ADIPOR1: variants seen among roughly 807,000 people sequenced by gnomAD.
ADIPOR1 encodes adiponectin receptor 1, also known as adiponectin receptor protein 1.
In ADIPOR1, 15 loss-of-function variants were observed where a neutral mutation model predicts 37.5. That is an observed-to-expected ratio of 0.40 (90% CI 0.27 to 0.62). The LOEUF (loss-of-function observed/expected upper bound fraction) is 0.62. Among genes scored for constraint, ADIPOR1 ranks in the 20% least tolerant of loss-of-function variants. ADIPOR1 has a pLI of 0.42. For missense variants in ADIPOR1, 286 were observed against 478.0 expected, an observed-to-expected ratio of 0.60 and a Z score of 3.75; for synonymous variants, 173 against 173.2, an observed-to-expected ratio of 1.00 and a Z score of 0.01.
chr1:202,941,562 G>A lies in ADIPOR1; in HGVS notation c.*11C>T. Reference sequence around the variant, plus strand: ...TGGGAAGTTCCTCCTCCACCCCGCAGGTGGGAAGGCTCAGAGAAGGGTGTC... The same window carrying A: ...TGGGAAGTTCCTCCTCCACCCCGCAAGTGGGAAGGCTCAGAGAAGGGTGTC... On this transcript the variant is annotated 3_prime_UTR_variant, in exon 8 of 8. Transcript: ENST00000340990. 6.2e-7 allele frequency: 1 copy of A among 1,600,878 alleles called. No homozygotes were observed. The highest frequency in any genetic ancestry group is 8.5e-7 in the Non-Finnish European group (1 of 1,176,322).
chr1:202,950,529 G>C (rs72644173), intron 2 of ADIPOR1, among the ~76,000 whole-genome samples: 7,618 of 152,140 alleles, frequency 0.05, 489 homozygotes, highest in East Asian at 0.21. Context: ...CCTGACAGTG[G>C]TGGATCCTCC....
chr1:202,955,125 T>C (rs1240286704), intron 1 of ADIPOR1, among the ~76,000 whole-genome samples: 1 of 152,132 alleles, frequency 6.6e-6, no homozygotes, highest in African/African-American at 2.4e-5. Flanking sequence ...ATCACCGAAC[T>C]ACAGTATATA....
At chr1:202,942,353 A>T in intron 6 of ADIPOR1, 135 bp from the exon 7 acceptor site, 1 of 768,556 alleles carries the variant, frequency 1.3e-6, no homozygotes, top group South Asian at 2.3e-5. Context: ...TAGGAAACTT[A>T]GCTACAAGAT....
intron 3 of ADIPOR1, 105 bp from the exon 4 acceptor site, chr1:202,946,715 T>C (rs1654336982): frequency 8.4e-7 from 1 of 1,193,640 alleles, no homozygotes; most frequent in East Asian, 2.5e-5. Context: ...AGGCTCTGAA[T>C]GGTCCTAGGT....
At chr1:202,957,937 G>A (rs1654848031) in intron 1 of ADIPOR1, among the ~76,000 whole-genome samples, 2 of 152,138 alleles carry the variant, frequency 1.3e-5, no homozygotes, top group South Asian at 4.1e-4. Context: ...GGGACAGCCG[G>A]GGACGAGCGC....
chr1:202,946,115 C>G (rs145829537), intron 4 of ADIPOR1, among the ~76,000 whole-genome samples: 2 of 151,712 alleles, frequency 1.3e-5, no homozygotes, highest in East Asian at 3.9e-4. Context: ...GAAACCCAGA[C>G]AAAAAAGACC....
intron 1 of ADIPOR1, among the ~76,000 whole-genome samples, chr1:202,956,720 A>T (rs1654799404): frequency 6.6e-6 from 1 of 152,242 alleles, no homozygotes; most frequent in Non-Finnish European, 1.5e-5. Flanking sequence ...CACAGTCCCC[A>T]GGGCAGTAAA....
chr1:202,955,156 G>A (rs1035104729), intron 1 of ADIPOR1, among the ~76,000 whole-genome samples: 7 of 151,966 alleles, frequency 4.6e-5, no homozygotes, highest in Non-Finnish European at 1.0e-4. Context: ...TCTCCTACTC[G>A]ATGCCAAGCG....
chr1:202,946,850 C>T (rs1654347290), intron 3 of ADIPOR1, among the ~76,000 whole-genome samples: 1 of 151,622 alleles, frequency 6.6e-6, no homozygotes, highest in African/African-American at 2.4e-5. Context: ...TGTAGCGGCT[C>T]ATGCCTGTAA....
chr1:202,950,819 C>G, intron 2 of ADIPOR1, 111 bp downstream of exon 2: 1 of 1,417,902 alleles, frequency 7.1e-7, no homozygotes, highest in East Asian at 2.3e-5. Flanking sequence ...AGAGACATTT[C>G]CAGGATGCAA....
In ADIPOR1 at chr1:202,942,301, T is replaced by C. The variant is rs910573237; in HGVS notation, c.806-83A>G. ...CTGCTGTCTTACTCTGGAATTTCAA[T>C]GTTTATGATAATTAGCTATTTTTGG... On this transcript the variant is annotated intron_variant, in intron 6 of 7. Transcript: ENST00000340990. 18 of 1,339,282 alleles carry C rather than the reference T, an allele frequency of 1.3e-5. No homozygotes were observed. The South Asian group carries it at 2.4e-4, about 18-fold the overall frequency. 83.0% of individuals were successfully genotyped at this position (1,339,282 alleles called of 1,614,324 possible).
intron 1 of ADIPOR1, among the ~76,000 whole-genome samples, chr1:202,956,040 T>C (rs2102496349): frequency 6.6e-6 from 1 of 152,374 alleles, no homozygotes; most frequent in African/African-American, 2.4e-5. Flanking sequence ...CCTCCCAAAG[T>C]GTTGGGATTA....
rs968064403 is a variant in ADIPOR1, at chr1:202,949,194, T to G, written c.142-774A>C. ...CTGACTCTAGGGATGCTGTCATGAT[T>G]GAAACTTTGTATCTACAGCAGCTCC... On this transcript the variant is annotated intron_variant, in intron 2 of 7. Transcript: ENST00000340990. 9.9e-5 allele frequency among the ~76,000 whole-genome samples: 15 copies of G among 152,084 alleles called. No homozygotes were observed. In the East Asian group the frequency reaches 2.7e-3, roughly 27 times the overall value.
chr1:202,951,081 C>T lies in ADIPOR1; in HGVS notation c.-11G>A, dbSNP rs1372166240. 2 of 1,613,894 alleles carry T rather than the reference C, an allele frequency of 1.2e-6. No individual in the cohort carries two copies. The highest frequency in any genetic ancestry group is 1.7e-6 in the Non-Finnish European group (2 of 1,179,822). Reference sequence around the variant, plus strand: ...TTTGTGGGAAGACATCTGGCTGGTACCTCAATACCCTGCAGCTTCAGCTTG... The same window carrying T: ...TTTGTGGGAAGACATCTGGCTGGTATCTCAATACCCTGCAGCTTCAGCTTG... On this transcript the variant is annotated 5_prime_UTR_variant, in exon 2 of 8. Coordinates refer to ENST00000340990, the MANE Select transcript of ADIPOR1 (RefSeq NM_015999.6).
chr1:202,951,090 C>T lies in ADIPOR1; in HGVS notation c.-20G>A. 1 of 1,613,332 alleles carries T rather than the reference C, an allele frequency of 6.2e-7. No homozygotes were observed. The highest frequency in any genetic ancestry group is 8.5e-7 in the Non-Finnish European group (1 of 1,179,364). ...AGACATCTGGCTGGTACCTCAATAC[C>T]CTGCAGCTTCAGCTTGGGGAAAGGT... On this transcript the variant is annotated 5_prime_UTR_variant, in exon 2 of 8. Coordinates refer to ENST00000340990, the MANE Select transcript of ADIPOR1 (RefSeq NM_015999.6).
Position 202,947,801 on chromosome 1 carries a change from C to G in ADIPOR1, c.258+503G>C, listed in dbSNP as rs191454963. ...GAAAAAATTGTATTTCCATTTACCT[C>G]TAAGTAAATTGAGCATTTTCCTCAA... On this transcript the variant is annotated intron_variant, in intron 3 of 7. Coordinates refer to ENST00000340990, the MANE Select transcript of ADIPOR1 (RefSeq NM_015999.6). 1.3e-3 allele frequency among the ~76,000 whole-genome samples: 200 copies of G among 152,156 alleles called. 1 individual carries two copies. Among genetic ancestry groups the G allele is most frequent in the African/African-American group, 4.7e-3 (194 of 41,520 alleles).
intron 7 of ADIPOR1, 99 bp from the exon 8 acceptor site, chr1:202,941,800 A>G: frequency 1.4e-6 from 2 of 1,452,848 alleles, no homozygotes; most frequent in Non-Finnish European, 1.9e-6. Context: ...TCCTTAATTA[A>G]ACAAATTTGT....
intron 5 of ADIPOR1, 127 bp downstream of exon 5, chr1:202,944,856 G>A (rs1654242091): frequency 2.2e-6 from 2 of 900,308 alleles, no homozygotes; most frequent in South Asian, 2.2e-5. Context: ...ACAGAACAGA[G>A]AGCCTTTCCT....
intron 3 of ADIPOR1, 148 bp from the exon 4 acceptor site, chr1:202,946,758 TC>T (rs1415904662): frequency 2.9e-6 from 2 of 692,500 alleles, no homozygotes; most frequent in African/African-American, 3.6e-5. Flanking sequence ...CTGGGGGATA[TC>T]CAAGACATAG....
Sources: allele counts gnomAD v4.1 joint callset (sites outside exome capture counted in the v4.1 genomes callset), GRCh38; gene constraint gnomAD v4.1.1; transcripts MANE v1.5; gene names NCBI Gene and HGNC (gene_info 2026-07-23, HGNC 2026-07-21).